Variants in FARS2 observed in about 807,000 individuals in gnomAD.
The protein encoded by FARS2 is phenylalanine--tRNA ligase, mitochondrial.
A neutral mutation model predicts 46.4 loss-of-function variants in FARS2; 40 were observed. The observed-to-expected ratio is 0.86, with a 90% CI of 0.67 to 1.12. The LOEUF (loss-of-function observed/expected upper bound fraction) is 1.12. Among genes scored for constraint, FARS2 ranks in the 50% most tolerant of loss-of-function variants. The probability of loss-of-function intolerance (pLI) is 0.00; values close to 1 mark genes in which losing one functional copy is unlikely to be tolerated. For missense variants in FARS2, 513 were observed against 567.9 expected, an observed-to-expected ratio of 0.90 and a Z score of 0.98; for synonymous variants, 234 against 214.9, an observed-to-expected ratio of 1.09 and a Z score of -0.78.
chr6:5,351,596 A>G (rs1034069988), intron 1 of FARS2, among the ~76,000 whole-genome samples: 2 of 152,240 alleles, frequency 1.3e-5, no homozygotes, highest in African/African-American at 4.8e-5. Flanking sequence ...ACAGAAGTTC[A>G]GTGCATAAAA....
chr6:5,624,398 T>C (rs1775929297), intron 6 of FARS2, among the ~76,000 whole-genome samples: 1 of 152,132 alleles, frequency 6.6e-6, no homozygotes, highest in African/African-American at 2.4e-5. Context: ...TCTTCGGGAT[T>C]CCCTTCAGTG....
intron 5 of FARS2, among the ~76,000 whole-genome samples, chr6:5,586,662 TC>T (rs1297918942): frequency 3.3e-5 from 5 of 152,152 alleles, no homozygotes; most frequent in Admixed American, 1.3e-4. Flanking sequence ...TTTCTTTCTT[TC>T]TTTCTTTTGT....
chr6:5,345,339 A>T (rs942851488), intron 1 of FARS2, among the ~76,000 whole-genome samples: 2 of 152,168 alleles, frequency 1.3e-5, no homozygotes, highest in African/African-American at 4.8e-5. Flanking sequence ...AAAATCTTAA[A>T]GGCAAGCTGC....
At chr6:5,736,264 G>A (rs73718401) in intron 6 of FARS2, among the ~76,000 whole-genome samples, 3,632 of 152,318 alleles carry the variant, frequency 0.024, 144 homozygotes, top group African/African-American at 0.082. Flanking sequence ...AGCAGGGAGA[G>A]GCCACATGTC....
intron 6 of FARS2, among the ~76,000 whole-genome samples, chr6:5,692,125 C>G (rs1294393707): frequency 6.6e-6 from 1 of 152,238 alleles, no homozygotes; most frequent in Non-Finnish European, 1.5e-5. Flanking sequence ...TCCCTGACCC[C>G]TTGTGCTTCC....
chr6:5,470,448 T>TG (rs1765748656), intron 4 of FARS2, among the ~76,000 whole-genome samples: 1 of 152,198 alleles, frequency 6.6e-6, no homozygotes, highest in Non-Finnish European at 1.5e-5. Context: ...TATTGAGGGA[T>TG]GACTATACAC....
chr6:5,305,582 C>T (rs1345527864), intron 1 of FARS2, among the ~76,000 whole-genome samples: 1 of 152,136 alleles, frequency 6.6e-6, no homozygotes, highest in Non-Finnish European at 1.5e-5. Flanking sequence ...ATGAGACCTC[C>T]TTGTTTTATA....
chr6:5,285,098 G>A (rs1215438113), intron 1 of FARS2, among the ~76,000 whole-genome samples: 3 of 152,194 alleles, frequency 2.0e-5, no homozygotes, highest in Non-Finnish European at 2.9e-5. Flanking sequence ...ACAGCAAAGG[G>A]GGCAGGCAAC....
At chr6:5,690,147 A>G (rs1243850180) in intron 6 of FARS2, among the ~76,000 whole-genome samples, 1 of 152,070 alleles carries the variant, frequency 6.6e-6, no homozygotes, top group African/African-American at 2.4e-5. Flanking sequence ...TTGACTTTTT[A>G]TCCAATTTGC....
At chr6:5,354,805 G>A (rs1561979900) in intron 1 of FARS2, among the ~76,000 whole-genome samples, 2 of 152,128 alleles carry the variant, frequency 1.3e-5, no homozygotes, top group South Asian at 4.1e-4. Context: ...GAGCCACCGC[G>A]CCCGGCCTAT....
intron 6 of FARS2, among the ~76,000 whole-genome samples, chr6:5,652,413 G>T (rs1318976092): frequency 6.6e-6 from 1 of 152,166 alleles, no homozygotes; most frequent in Non-Finnish European, 1.5e-5. Flanking sequence ...ACTTTAGAAG[G>T]GAATAAATAC....
chr6:5,545,400 G>A, intron 5 of FARS2, 60 bp downstream of exon 5: 1 of 1,291,118 alleles, frequency 7.7e-7, no homozygotes, highest in Non-Finnish European at 1.1e-6. Flanking sequence ...AGGATCGACA[G>A]GATCATGTAC....
Position 5,453,588 on chromosome 6 carries a change from C to T in FARS2, c.904+22416C>T, listed in dbSNP as rs564982886. On this transcript the variant is annotated intron_variant, in intron 4 of 6. Transcript: ENST00000274680. ...TACTAGTATAATAGGATTTGATTTG[C>T]TCTGTTTAACATATGATGAAGTTAA... is the stretch of plus-strand genomic sequence containing the variant. Among the ~76,000 whole-genome samples the T allele has an allele frequency of 1.3e-3, 193 of 152,282 alleles. 1 individual carries two copies. The highest frequency in any genetic ancestry group is 4.4e-3 in the African/African-American group (183 of 41,548).
At chr6:5,560,848 G>T (rs1420433606) in intron 5 of FARS2, among the ~76,000 whole-genome samples, 1 of 152,166 alleles carries the variant, frequency 6.6e-6, no homozygotes, top group Non-Finnish European at 1.5e-5. Flanking sequence ...TATTGGCACA[G>T]CTGGGCGCTG....
chr6:5,538,770 A>G (rs1362020756), intron 4 of FARS2, among the ~76,000 whole-genome samples: 1 of 152,236 alleles, frequency 6.6e-6, no homozygotes, highest in Non-Finnish European at 1.5e-5. Flanking sequence ...AAAGGGAACC[A>G]AAACAAAATG....
At chr6:5,323,054 T>C (rs72815634) in intron 1 of FARS2, among the ~76,000 whole-genome samples, 7,257 of 152,318 alleles carry the variant, frequency 0.048, 238 homozygotes, top group Non-Finnish European at 0.067. Flanking sequence ...ATCAATTTAA[T>C]AACAATTAAA....
intron 4 of FARS2, among the ~76,000 whole-genome samples, chr6:5,491,494 C>G (rs1208989706): frequency 6.6e-6 from 1 of 152,154 alleles, no homozygotes; most frequent in Non-Finnish European, 1.5e-5. Context: ...GAATCATGCG[C>G]CATTGATGGT....
intron 1 of FARS2, among the ~76,000 whole-genome samples, chr6:5,317,686 G>A (rs1255447212): frequency 1.3e-5 from 2 of 151,806 alleles, no homozygotes; most frequent in Non-Finnish European, 1.5e-5. Context: ...GGGCGGAGGC[G>A]GGAGAATCTC....
chr6:5,257,296 G>A (rs1443661909), upstream of FARS2, among the ~76,000 whole-genome samples: 1 of 152,032 alleles, frequency 6.6e-6, no homozygotes, highest in Non-Finnish European at 1.5e-5. Flanking sequence ...GTGCTGTGCT[G>A]TTTGCCTGCC....
Sources: gnomAD v4.1 joint callset for allele counts (sites outside exome capture counted in the v4.1 genomes callset) on GRCh38, gnomAD v4.1.1 for gene constraint, MANE v1.5 for transcripts, NCBI Gene and HGNC (gene_info 2026-07-23, HGNC 2026-07-21) for gene names.